The following DCUN1D3 variants were observed in gnomAD, a reference collection of about 807,000 sequenced individuals.
DCUN1D3 encodes the protein DCN1-like protein 3.
In DCUN1D3, 6 loss-of-function variants were observed where a neutral mutation model predicts 24.8. The ratio of observed to expected loss-of-function variants is 0.24; its 90% CI spans 0.13 to 0.48. The LOEUF (loss-of-function observed/expected upper bound fraction) is 0.48, where lower values mean the gene tolerates loss of function less well. Ranked by LOEUF, DCUN1D3 falls within the 20% of genes least tolerant of loss-of-function variation. The pLI is 0.99. For missense variants in DCUN1D3, 258 were observed against 379.4 expected, an observed-to-expected ratio of 0.68 and a Z score of 2.66; for synonymous variants, 120 against 144.9, an observed-to-expected ratio of 0.83 and a Z score of 1.24.
At chr16:20,881,224 C>T (rs529800955) in intron 1 of DCUN1D3, among the ~76,000 whole-genome samples, 42 of 152,232 alleles carry the variant, frequency 2.8e-4, no homozygotes, top group African/African-American at 9.6e-4. Context: ...GGCAACACAG[C>T]GATACTCTGT....
intron 1 of DCUN1D3, among the ~76,000 whole-genome samples, chr16:20,899,299 G>A (rs1381975782): frequency 6.6e-6 from 1 of 152,170 alleles, no homozygotes; most frequent in Non-Finnish European, 1.5e-5. Context: ...AAAGTATTTC[G>A]AGCAAGAGAC....
In DCUN1D3 at chr16:20,859,985, G is replaced by T; in HGVS notation, c.816C>A (p.Thr272=). 6.2e-7 allele frequency: 1 copy of T among 1,614,212 alleles called. No homozygotes were observed. The highest frequency in any genetic ancestry group is 8.5e-7 in the Non-Finnish European group (1 of 1,180,040). ...EDEAWPSLFD[T]FVEWEMERRK... is the part of the protein sequence containing the mutation. ...TTCGCTCCATTTCCCACTCCACAAA[G>T]GTGTCAAAGAGACTTGGCCAGGCCT... Residue 272 remains threonine (T), a synonymous_variant, in exon 3 of 3, where the codon ACC becomes ACA. Transcript: ENST00000324344.
At chr16:20,877,380 C>T (rs545820248) in intron 1 of DCUN1D3, among the ~76,000 whole-genome samples, 1 of 152,316 alleles carries the variant, frequency 6.6e-6, no homozygotes, top group South Asian at 2.1e-4. Context: ...TAATTCAGCA[C>T]AACGCTGTTT....
At chr16:20,888,877 A>T (rs970074819) in intron 1 of DCUN1D3, among the ~76,000 whole-genome samples, 1 of 152,194 alleles carries the variant, frequency 6.6e-6, no homozygotes, top group Non-Finnish European at 1.5e-5. Context: ...ACTTGAGGTC[A>T]GGAGTTCGAG....
At chr16:20,861,979 T>C in intron 2 of DCUN1D3, 129 bp downstream of exon 2, 2 of 949,314 alleles carry the variant, frequency 2.1e-6, no homozygotes. Context: ...GAGAACCTGA[T>C]CAGAAAAATA....
At chr16:20,889,195 A>AG (rs1384257109) in intron 1 of DCUN1D3, among the ~76,000 whole-genome samples, 1 of 145,750 alleles carries the variant, frequency 6.9e-6, no homozygotes, top group Non-Finnish European at 1.5e-5. Flanking sequence ...ACTGCACTCC[A>AG]GCCTAGGTGA....
rs2081700814 is a variant in DCUN1D3, at chr16:20,855,966, A to G, written c.*3920T>C. The G allele has an allele frequency of 6.6e-6, 1 of 152,232 alleles. No individual in the cohort carries two copies. Among genetic ancestry groups the G allele is most frequent in the African/African-American group, 2.4e-5 (1 of 41,464 alleles). The allele number at this position is 152,232 out of a possible 1,614,324, so 9.4% of individuals were successfully genotyped here. A position where few individuals can be genotyped will look rare whatever the true frequency, so the allele number is the denominator to read the frequency against. On this transcript the variant is annotated 3_prime_UTR_variant, in exon 3 of 3. Transcript: ENST00000324344. ...AGGAAGACCTTTGTCAGTTACCAAG[A>G]TGCTCAAGTCATAGCTAACCAAACA...
At chr16:20,877,198 T>C (rs1211356509) in intron 1 of DCUN1D3, among the ~76,000 whole-genome samples, 1 of 151,886 alleles carries the variant, frequency 6.6e-6, no homozygotes, top group East Asian at 1.9e-4. Flanking sequence ...TATTATCACA[T>C]GTCTCAAAAC....
intron 1 of DCUN1D3, among the ~76,000 whole-genome samples, chr16:20,884,040 C>T (rs1166868687): frequency 6.6e-6 from 1 of 152,058 alleles, no homozygotes; most frequent in Non-Finnish European, 1.5e-5. Flanking sequence ...ATGAGAAGAC[C>T]GCGATAAGTG....
intron 1 of DCUN1D3, among the ~76,000 whole-genome samples, chr16:20,866,317 T>C (rs2081761895): frequency 6.6e-6 from 1 of 152,074 alleles, no homozygotes. Context: ...GACTGGCAAC[T>C]CTAATTCCCA....
chr16:20,862,881 CAT>C (rs1447033219), intron 1 of DCUN1D3, among the ~76,000 whole-genome samples: 1 of 152,146 alleles, frequency 6.6e-6, no homozygotes, highest in Admixed American at 6.5e-5. Context: ...CTTAAGGTAA[CAT>C]AGATTTCAAA....
intron 1 of DCUN1D3, among the ~76,000 whole-genome samples, chr16:20,872,546 G>T (rs934775005): frequency 7.9e-5 from 12 of 151,742 alleles, no homozygotes; most frequent in African/African-American, 2.4e-4. Flanking sequence ...GAGGTTGACT[G>T]CTAATGCATA....
At chr16:20,886,063 T>TG (rs1491201720) in intron 1 of DCUN1D3, among the ~76,000 whole-genome samples, 17 of 85,608 alleles carry the variant, frequency 2.0e-4, no homozygotes, top group Non-Finnish European at 4.3e-4. Flanking sequence ...ATTTTTTCAT[T>TG]GAAAAAAAAA....
At position 20,887,962 on chromosome 16, in the gene DCUN1D3, G is replaced by A. The variant is rs571629471; in HGVS notation, c.-106+12242C>T. 3.9e-5 allele frequency among the ~76,000 whole-genome samples: 6 copies of A among 152,266 alleles called. No homozygotes were observed. The East Asian group carries it at 1.2e-3, about 29-fold the overall frequency. ...CAGGAGGAAGATTTTCCATCTCTGG[G>A]TTTTAGGCCAGCTTTGGAAACATGC... On this transcript the variant is annotated intron_variant, in intron 1 of 2. Transcript: ENST00000324344.
Position 20,900,215 on chromosome 16 carries a change from A to T in DCUN1D3, c.-117T>A, listed in dbSNP as rs1179604390. 7.3e-6 allele frequency: 1 copy of T among 137,218 alleles called. No individual in the cohort carries two copies. Among genetic ancestry groups the T allele is most frequent in the South Asian group, 2.5e-4 (1 of 3,966 alleles). The allele number at this position is 137,218 out of a possible 1,614,324, so 8.5% of individuals were successfully genotyped here. ...TCCCCAAAACTCACAGCTGCTCCAG[A>T]GGTTCCTCCAGTCAAACCCTTTCTG... is the stretch of plus-strand genomic sequence containing the variant. On this transcript the variant is annotated 5_prime_UTR_variant, in exon 1 of 3. Transcript: ENST00000324344.
intron 1 of DCUN1D3, among the ~76,000 whole-genome samples, chr16:20,887,281 G>A (rs2081872014): frequency 6.6e-6 from 1 of 152,154 alleles, no homozygotes; most frequent in African/African-American, 2.4e-5. Context: ...CAGCCTGGGA[G>A]ACAGAGCAAG....
chr16:20,860,471 A>G lies in DCUN1D3; in HGVS notation c.432-102T>C. The G allele has an allele frequency of 7.9e-7, 1 of 1,271,390 alleles. No individual in the cohort carries two copies. The highest frequency in any genetic ancestry group is 1.5e-5 in the South Asian group (1 of 65,048). 78.8% of individuals were successfully genotyped at this position (1,271,390 alleles called of 1,614,324 possible). On this transcript the variant is annotated intron_variant, in intron 2 of 2. Coordinates refer to ENST00000324344, the MANE Select transcript of DCUN1D3 (RefSeq NM_173475.4). This position sits in a 1 kb window ranked among gnomAD's most constrained non-coding sequence, Gnocchi z 4.3. ...CAAGGCTTTCAGGCCAGATGGTCTG[A>G]ATTTGAATTCTAACTCCTCCAACTA...
intron 1 of DCUN1D3, among the ~76,000 whole-genome samples, chr16:20,864,331 C>A (rs1416612608): frequency 6.6e-6 from 1 of 152,060 alleles, no homozygotes; most frequent in Non-Finnish European, 1.5e-5. Context: ...GGGCAAAGTA[C>A]ATGAATAGAC....
chr16:20,871,594 T>G (rs1200430633), intron 1 of DCUN1D3, among the ~76,000 whole-genome samples: 1 of 152,160 alleles, frequency 6.6e-6, no homozygotes, highest in Non-Finnish European at 1.5e-5. Flanking sequence ...GTGGGCTGGC[T>G]AGAACAAATG....
Sources: allele counts gnomAD v4.1 joint callset (sites outside exome capture counted in the v4.1 genomes callset), GRCh38; gene constraint gnomAD v4.1.1; non-coding constraint Gnocchi (gnomAD v3.1); transcripts MANE v1.5; gene names NCBI Gene and HGNC (gene_info 2026-07-23, HGNC 2026-07-21).